The following RIMS1 variants were observed in gnomAD, a reference collection of about 807,000 sequenced individuals.
The protein encoded by RIMS1 is regulating synaptic membrane exocytosis 1, also known as regulating synaptic membrane exocytosis protein 1.
A neutral mutation model predicts 214.1 loss-of-function variants in RIMS1; 83 were observed. The ratio of observed to expected loss-of-function variants is 0.39; its 90% CI spans 0.32 to 0.47. RIMS1 has a LOEUF of 0.47. Ranked by LOEUF, RIMS1 falls within the 20% of genes least tolerant of loss-of-function variation. RIMS1 has a pLI of 0.99. For missense variants in RIMS1, 2,050 were observed against 2,161.8 expected (o/e 0.95, Z 1.03); for synonymous variants, 793 against 786.8 (o/e 1.01, Z -0.13).
At chr6:72,222,929 G>A (rs533731191) in intron 6 of RIMS1, among the ~76,000 whole-genome samples, 2 of 152,202 alleles carry the variant, frequency 1.3e-5, no homozygotes, top group Admixed American at 1.3e-4. Context: ...CAGTGTTGAG[G>A]GCACATAGAC....
rs897052469 is a variant in RIMS1, at chr6:71,907,060, G to A, written c.164+19873G>A. On this transcript the variant is annotated intron_variant, in intron 1 of 33. Coordinates refer to ENST00000521978, the MANE Select transcript of RIMS1 (RefSeq NM_014989.7). ...ACTCTTATTCATTGTAGTGATTTTAGCACAATGCAGTTACCTGAGCTTTGG... is the reference window on the plus strand; with the variant it reads ...ACTCTTATTCATTGTAGTGATTTTAACACAATGCAGTTACCTGAGCTTTGG... 3.9e-5 allele frequency among the ~76,000 whole-genome samples: 6 copies of A among 152,092 alleles called. No individual in the cohort carries two copies. The South Asian group carries it at 1.2e-3, about 32-fold the overall frequency.
chr6:71,964,157 AG>A (rs1793779882), intron 1 of RIMS1, among the ~76,000 whole-genome samples: 2 of 152,190 alleles, frequency 1.3e-5, no homozygotes, highest in South Asian at 2.1e-4. Context: ...AATTGAGCAA[AG>A]ACTTTAAAGA....
intron 28 of RIMS1, among the ~76,000 whole-genome samples, chr6:72,326,216 G>T (rs2096458689): frequency 6.6e-6 from 1 of 151,826 alleles, no homozygotes; most frequent in Non-Finnish European, 1.5e-5. Flanking sequence ...TTGTTTTTAA[G>T]CTAAGTTTGT....
intron 3 of RIMS1, among the ~76,000 whole-genome samples, chr6:72,097,442 G>C (rs2032111763): frequency 6.6e-6 from 1 of 152,148 alleles, no homozygotes; most frequent in Non-Finnish European, 1.5e-5. Context: ...GAAAAATGCA[G>C]TTAATGTAGA....
intron 4 of RIMS1, among the ~76,000 whole-genome samples, chr6:72,149,859 C>A (rs2043277944): frequency 6.6e-6 from 1 of 152,218 alleles, no homozygotes; most frequent in Admixed American, 6.5e-5. Flanking sequence ...CTGGGCCACA[C>A]CTGGCTTGCA....
intron 19 of RIMS1, chr6:72,261,502 T>G: frequency 1.1e-6 from 1 of 945,148 alleles, no homozygotes; most frequent in Non-Finnish European, 1.3e-6. Flanking sequence ...GTAAAACTTC[T>G]TACAGATTAC....
At chr6:72,265,838 C>T in intron 21 of RIMS1, 122 bp from the exon 22 acceptor site, 1 of 678,006 alleles carries the variant, frequency 1.5e-6, no homozygotes, top group Middle Eastern at 2.5e-4. Context: ...AACTGAATCC[C>T]AGTGATTCTA....
At position 72,182,716 on chromosome 6, in the gene RIMS1, G is replaced by T. The variant is rs1255182222; in HGVS notation, c.1245G>T (p.Ala415=). 3 of 1,515,294 alleles carry T rather than the reference G, an allele frequency of 2.0e-6. No homozygotes were observed. Among genetic ancestry groups the T allele is most frequent in the African/African-American group, 1.4e-5 (1 of 69,160 alleles). The allele number at this position is 1,515,294 out of a possible 1,614,324, so 93.9% of individuals were successfully genotyped here. The change falls in exon 6 of 34, where the codon GCG becomes GCT. Residue 415 remains alanine, a synonymous_variant. Coordinates refer to ENST00000521978, the MANE Select transcript of RIMS1 (RefSeq NM_014989.7). The stretch of plus-strand genomic sequence containing the variant: ...GCAAGGCCGGCAAACGCGCGCCGGC[G>T]GCAGCCAGGGCCTCGCCGCCGGACT... ...PEGKAGKRAP[A]AARASPPDSP...
At chr6:72,341,680 G>GA (rs1317099216) in intron 29 of RIMS1, among the ~76,000 whole-genome samples, 1 of 151,648 alleles carries the variant, frequency 6.6e-6, no homozygotes, top group Non-Finnish European at 1.5e-5. Context: ...GCAACAAAGT[G>GA]AAAAAACATA....
intron 1 of RIMS1, among the ~76,000 whole-genome samples, chr6:71,960,164 T>C (rs1476226934): frequency 1.3e-5 from 2 of 152,140 alleles, no homozygotes; most frequent in Non-Finnish European, 2.9e-5. Flanking sequence ...TTTGAGAGAG[T>C]TAATATACCT....
At chr6:72,097,938 C>G (rs1343833536) in intron 3 of RIMS1, among the ~76,000 whole-genome samples, 1 of 152,040 alleles carries the variant, frequency 6.6e-6, no homozygotes, top group East Asian at 1.9e-4. Flanking sequence ...ATCATATTCT[C>G]TAAAATAGTG....
chr6:72,274,256 G>A (rs1396642562), intron 22 of RIMS1, 93 bp from the exon 23 acceptor site: 1 of 738,360 alleles, frequency 1.4e-6, no homozygotes, highest in Non-Finnish European at 2.3e-6. Flanking sequence ...GCCTTTATGG[G>A]GTGCTTTTCC....
intron 1 of RIMS1, among the ~76,000 whole-genome samples, chr6:71,966,370 C>CA (rs893144759): frequency 1.3e-5 from 2 of 151,950 alleles, no homozygotes; most frequent in African/African-American, 4.8e-5. Context: ...CTTTAAAATT[C>CA]AAAAAATTGA....
At chr6:72,358,783 AAG>A (rs1267639697) in intron 29 of RIMS1, among the ~76,000 whole-genome samples, 5 of 152,140 alleles carry the variant, frequency 3.3e-5, no homozygotes, top group Non-Finnish European at 1.5e-5. Context: ...ACAGGAGAGA[AAG>A]AGGGAAAGAA....
At chr6:72,190,421 C>G (rs1193144217) in intron 6 of RIMS1, among the ~76,000 whole-genome samples, 1 of 147,766 alleles carries the variant, frequency 6.8e-6, no homozygotes, top group Non-Finnish European at 1.5e-5. Flanking sequence ...TGAGATCGCG[C>G]CATTGCACTC....
intron 6 of RIMS1, among the ~76,000 whole-genome samples, chr6:72,193,542 T>C (rs1355160188): frequency 6.6e-6 from 1 of 152,200 alleles, no homozygotes; most frequent in Non-Finnish European, 1.5e-5. Context: ...CCATCTGTAA[T>C]AGCTATTAAT....
At chr6:72,039,341 C>T (rs1402232917) in intron 2 of RIMS1, among the ~76,000 whole-genome samples, 2 of 152,228 alleles carry the variant, frequency 1.3e-5, no homozygotes, top group East Asian at 3.9e-4. Context: ...TTCTCTTAAT[C>T]TCACAAATAC....
At chr6:72,193,362 C>G (rs908598716) in intron 6 of RIMS1, among the ~76,000 whole-genome samples, 2 of 152,210 alleles carry the variant, frequency 1.3e-5, no homozygotes, top group African/African-American at 4.8e-5. Flanking sequence ...CCTGGTTCCT[C>G]TTAACATAAA....
At chr6:72,393,874 A>G (rs890726580) in intron 31 of RIMS1, among the ~76,000 whole-genome samples, 19 of 152,164 alleles carry the variant, frequency 1.2e-4, no homozygotes, top group African/African-American at 4.1e-4. Context: ...AAGCCAGCCA[A>G]ACTATCAAGT....
Sources: gnomAD v4.1 joint callset for allele counts (sites outside exome capture counted in the v4.1 genomes callset) on GRCh38, gnomAD v4.1.1 for gene constraint, MANE v1.5 for transcripts, NCBI Gene and HGNC (gene_info 2026-07-23, HGNC 2026-07-21) for gene names.